Variants in BRD10 observed in about 807,000 individuals in gnomAD.
BRD10 encodes the protein bromodomain containing 10.
At chr9:5,922,510 G>C in the BRD10 span, 1 of 1,613,760 alleles carries the variant, frequency 6.2e-7, no homozygotes, top group Non-Finnish European at 8.5e-7. Context: ...TTGGTAGTTG[G>C]GTAGAAACAG....
At chr9:5,920,663 G>A in the BRD10 span, 1 of 1,614,028 alleles carries the variant, frequency 6.2e-7, no homozygotes, top group Non-Finnish European at 8.5e-7. Flanking sequence ...TTGTCTTTTA[G>A]AAATAGATAC....
the BRD10 span, among the ~76,000 whole-genome samples, chr9:5,928,385 T>C: frequency 6.6e-6 from 1 of 152,132 alleles, no homozygotes; most frequent in Non-Finnish European, 1.5e-5. Context: ...AAAACATAAA[T>C]CAAATCATGT....
the BRD10 span, among the ~76,000 whole-genome samples, chr9:5,965,224 C>T: frequency 6.6e-6 from 1 of 151,778 alleles, no homozygotes; most frequent in Admixed American, 6.6e-5. Context: ...ATACATCAGT[C>T]ATGAATGACA....
chr9:5,884,159 T>C, the BRD10 span, among the ~76,000 whole-genome samples: 3 of 152,208 alleles, frequency 2.0e-5, no homozygotes, highest in African/African-American at 7.2e-5. Flanking sequence ...CTCACATTGG[T>C]ATGATTTACA....
the BRD10 span, among the ~76,000 whole-genome samples, chr9:5,904,758 C>T: frequency 1.3e-5 from 2 of 151,464 alleles, no homozygotes; most frequent in African/African-American, 4.9e-5. Flanking sequence ...AGCCACCGCG[C>T]CCAGTCCAGT....
At chr9:5,917,364 A>G in the BRD10 span, among the ~76,000 whole-genome samples, 107 of 152,350 alleles carry the variant, frequency 7.0e-4, 1 homozygote, top group South Asian at 0.02. Context: ...TCTAGAAACT[A>G]AAAGAAAATT....
At chr9:6,007,686 C>T in the BRD10 span, 4 of 1,609,426 alleles carry the variant, frequency 2.5e-6, no homozygotes, top group African/African-American at 4.0e-5. Flanking sequence ...TCTGGGCCGC[C>T]GCTGCCACCT....
the BRD10 span, among the ~76,000 whole-genome samples, chr9:5,956,751 C>G: frequency 6.6e-6 from 1 of 152,138 alleles, no homozygotes; most frequent in African/African-American, 2.4e-5. Flanking sequence ...AACTACCACT[C>G]TACTTTGTAC....
At chr9:5,980,264 C>G in the BRD10 span, among the ~76,000 whole-genome samples, 1 of 152,092 alleles carries the variant, frequency 6.6e-6, no homozygotes, top group Non-Finnish European at 1.5e-5. Context: ...AACAGGGTCT[C>G]TCTACACCAG....
chr9:6,001,793 C>T, the BRD10 span, among the ~76,000 whole-genome samples: 1 of 152,150 alleles, frequency 6.6e-6, no homozygotes, highest in African/African-American at 2.4e-5. Context: ...GTTATCCCTC[C>T]TCTGCACACT....
the BRD10 span, among the ~76,000 whole-genome samples, chr9:6,003,976 C>T: frequency 6.6e-6 from 1 of 152,196 alleles, no homozygotes; most frequent in African/African-American, 2.4e-5. Context: ...GTGAAGCATA[C>T]AGAAGTATTT....
the BRD10 span, chr9:5,968,080 A>C: frequency 6.4e-7 from 1 of 1,559,896 alleles, no homozygotes; most frequent in Non-Finnish European, 8.7e-7. Context: ...TCTGGATCTC[A>C]GGTTTGTAAG....
the BRD10 span, chr9:5,924,688 C>G: frequency 6.5e-7 from 1 of 1,531,266 alleles, no homozygotes; most frequent in Non-Finnish European, 8.8e-7. Flanking sequence ...TCCAGGATAT[C>G]CAGAGGTTCT....
At chr9:5,924,875 A>G in the BRD10 span, 1 of 1,353,054 alleles carries the variant, frequency 7.4e-7, no homozygotes, top group African/African-American at 1.5e-5. Context: ...ATAATAAATA[A>G]TACATATGAT....
At chr9:5,948,982 A>G in the BRD10 span, among the ~76,000 whole-genome samples, 152 of 152,284 alleles carry the variant, frequency 1.0e-3, no homozygotes, top group African/African-American at 3.6e-3. Flanking sequence ...CACTTGTGAC[A>G]TGAAAGCCAA....
At chr9:5,994,494 C>G in the BRD10 span, among the ~76,000 whole-genome samples, 1 of 152,168 alleles carries the variant, frequency 6.6e-6, no homozygotes, top group African/African-American at 2.4e-5. Context: ...TTTTTACCTT[C>G]TATTTTCCCA....
the BRD10 span, among the ~76,000 whole-genome samples, chr9:5,902,937 TCTC>T: frequency 6.6e-6 from 1 of 152,226 alleles, no homozygotes; most frequent in Admixed American, 6.5e-5. Context: ...TCTTTCTTCT[TCTC>T]TAATATACAC....
At chr9:5,921,282 C>G in the BRD10 span, 1 of 1,613,966 alleles carries the variant, frequency 6.2e-7, no homozygotes, top group Non-Finnish European at 8.5e-7. Flanking sequence ...ATTTTCACAT[C>G]CTTTATCTGA....
At chr9:5,973,689 G>C in the BRD10 span, among the ~76,000 whole-genome samples, 1 of 152,096 alleles carries the variant, frequency 6.6e-6, no homozygotes, top group Non-Finnish European at 1.5e-5. Flanking sequence ...AGGACTTCAA[G>C]ATCAGACTAG....
Sources: gnomAD v4.1 joint callset for allele counts (sites outside exome capture counted in the v4.1 genomes callset) on GRCh38, gnomAD v4.1.1 for gene constraint, MANE v1.5 for transcripts, NCBI Gene and HGNC (gene_info 2026-07-23, HGNC 2026-07-21) for gene names.